The following STK32B variants were observed in gnomAD, a reference collection of about 807,000 sequenced individuals.
The protein encoded by STK32B is serine/threonine kinase 32B.
In STK32B, 43 loss-of-function variants were observed where a neutral mutation model predicts 52.6. That is an observed-to-expected ratio of 0.82 (90% confidence interval 0.64 to 1.05). STK32B has a LOEUF of 1.05. Among genes scored for constraint, STK32B ranks in the 50% least tolerant of loss-of-function variants. STK32B has a pLI of 0.00. For missense variants in STK32B, 621 were observed against 534.6 expected (o/e 1.16, Z -1.59); for synonymous variants, 238 against 204.3 (o/e 1.17, Z -1.41).
At chr4:5,437,128 G>A (rs1714154025) in intron 6 of STK32B, among the ~76,000 whole-genome samples, 1 of 152,252 alleles carries the variant, frequency 6.6e-6, no homozygotes, top group South Asian at 2.1e-4. Flanking sequence ...ACACGGGAAA[G>A]GACCCTGGAG....
chr4:5,340,530 G>C (rs1055080575), intron 4 of STK32B, among the ~76,000 whole-genome samples: 1 of 152,184 alleles, frequency 6.6e-6, no homozygotes, highest in East Asian at 1.9e-4. Context: ...ATTTATTGAT[G>C]GGTTAAAGCT....
intron 4 of STK32B, among the ~76,000 whole-genome samples, chr4:5,340,686 A>G (rs963191788): frequency 1.3e-5 from 2 of 152,232 alleles, no homozygotes; most frequent in Admixed American, 1.3e-4. Flanking sequence ...AACAGTGACA[A>G]TGAATCAAGT....
At chr4:5,448,155 T>A (rs1381854181) in intron 7 of STK32B, among the ~76,000 whole-genome samples, 1 of 152,216 alleles carries the variant, frequency 6.6e-6, no homozygotes, top group Non-Finnish European at 1.5e-5. Flanking sequence ...AATTTTCTGC[T>A]CTTGATCTCA....
intron 3 of STK32B, among the ~76,000 whole-genome samples, chr4:5,255,016 G>T (rs1319726278): frequency 6.7e-6 from 1 of 148,412 alleles, no homozygotes; most frequent in African/African-American, 2.6e-5. Context: ...CCTTTAACTA[G>T]ATATTGGGTA....
chr4:5,223,954 G>C (rs926951146), intron 3 of STK32B, among the ~76,000 whole-genome samples: 1 of 151,932 alleles, frequency 6.6e-6, no homozygotes, highest in African/African-American at 2.4e-5. Context: ...GGAATGTCTA[G>C]CCTATACCTG....
intron 11 of STK32B, among the ~76,000 whole-genome samples, chr4:5,480,427 G>C (rs1437296015): frequency 6.6e-6 from 1 of 152,148 alleles, no homozygotes; most frequent in South Asian, 2.1e-4. Flanking sequence ...GGTTCAGAAA[G>C]GCAGGACAAC....
intron 2 of STK32B, 144 bp from the exon 3 acceptor site, chr4:5,168,153 CCT>C: frequency 9.8e-7 from 1 of 1,021,812 alleles, no homozygotes; most frequent in Non-Finnish European, 1.4e-6. Context: ...AGAGGTTGTG[CCT>C]AACTTAGCAG....
chr4:5,255,016 G>A (rs1319726278), intron 3 of STK32B, among the ~76,000 whole-genome samples: 4 of 148,414 alleles, frequency 2.7e-5, no homozygotes, highest in Non-Finnish European at 5.9e-5. Flanking sequence ...CCTTTAACTA[G>A]ATATTGGGTA....
chr4:5,092,744 C>T (rs748718351), intron 1 of STK32B, among the ~76,000 whole-genome samples: 27 of 151,906 alleles, frequency 1.8e-4, no homozygotes, highest in Non-Finnish European at 2.8e-4. Flanking sequence ...CTCACTATCC[C>T]GAGAACAGCA....
At chr4:5,489,321 A>T (rs1482286462) in intron 11 of STK32B, among the ~76,000 whole-genome samples, 5 of 152,212 alleles carry the variant, frequency 3.3e-5, no homozygotes, top group Non-Finnish European at 2.9e-5. Context: ...TTAGCCTGTA[A>T]ATATCAATTG....
intron 3 of STK32B, among the ~76,000 whole-genome samples, chr4:5,200,532 A>G (rs1003736749): frequency 6.6e-6 from 1 of 152,136 alleles, no homozygotes; most frequent in Non-Finnish European, 1.5e-5. Flanking sequence ...GCAGGCCCAC[A>G]GGGATCGTGC....
At chr4:5,036,824 C>A in the STK32B span, among the ~76,000 whole-genome samples, 21 of 151,972 alleles carry the variant, frequency 1.4e-4, no homozygotes, top group Non-Finnish European at 1.5e-4. Flanking sequence ...CCCACCACCA[C>A]ACCCGGCTAA....
At chr4:5,139,495 A>C in intron 1 of STK32B, 1 of 187,966 alleles carries the variant, frequency 5.3e-6, no homozygotes, top group Admixed American at 5.4e-5. Flanking sequence ...AGTGTGCAGA[A>C]GGAAGTGAAG....
chr4:5,490,859 T>C (rs1387858268), intron 11 of STK32B, among the ~76,000 whole-genome samples: 2 of 152,312 alleles, frequency 1.3e-5, no homozygotes, highest in East Asian at 3.9e-4. Context: ...TTACTGAGAA[T>C]GATGATTTCC....
At chr4:5,272,278 T>C (rs2108858437) in intron 3 of STK32B, among the ~76,000 whole-genome samples, 1 of 148,358 alleles carries the variant, frequency 6.7e-6, no homozygotes, top group South Asian at 2.2e-4. Flanking sequence ...GGTTTTTGTC[T>C]TTGGCTCTGT....
At chr4:5,429,597 A>C (rs195125) in intron 6 of STK32B, among the ~76,000 whole-genome samples, 54 of 151,864 alleles carry the variant, frequency 3.6e-4, no homozygotes, top group African/African-American at 1.1e-3. Context: ...CAAATAGTCA[A>C]TTATATTTTG....
At chr4:5,450,150 A>T (rs567245596) in intron 7 of STK32B, among the ~76,000 whole-genome samples, 7 of 152,076 alleles carry the variant, frequency 4.6e-5, no homozygotes, top group African/African-American at 1.4e-4. Flanking sequence ...GTAGGATCCA[A>T]CTTCTCTCTG....
At chr4:5,196,067 A>C (rs966692103) in intron 3 of STK32B, among the ~76,000 whole-genome samples, 4 of 152,218 alleles carry the variant, frequency 2.6e-5, no homozygotes, top group Non-Finnish European at 4.4e-5. Context: ...GACAGGGAGT[A>C]GGAAAGTGTC....
chr4:5,373,676 G>C (rs1432540792), intron 4 of STK32B, among the ~76,000 whole-genome samples: 1 of 152,156 alleles, frequency 6.6e-6, no homozygotes, highest in Admixed American at 6.5e-5. Context: ...CCCATCTGCA[G>C]GGCCCCTAGG....
Sources: allele counts gnomAD v4.1 joint callset (sites outside exome capture counted in the v4.1 genomes callset), GRCh38; gene constraint gnomAD v4.1.1; transcripts MANE v1.5; gene names NCBI Gene and HGNC (gene_info 2026-07-23, HGNC 2026-07-21).